The following NRCAM variants were observed in gnomAD, a reference collection of about 807,000 sequenced individuals.
NRCAM encodes neuronal cell adhesion molecule, also known as NgCAM-related cell adhesion molecule.
NRCAM carries 83 observed loss-of-function variants against 156.5 expected under a neutral mutation model. The ratio of observed to expected loss-of-function variants is 0.53; its 90% CI spans 0.44 to 0.64. The LOEUF (loss-of-function observed/expected upper bound fraction) is 0.64, where lower values mean the gene tolerates loss of function less well. Ranked by LOEUF, NRCAM falls within the 30% of genes least tolerant of loss-of-function variation. The probability of loss-of-function intolerance (pLI) is 0.00; values close to 1 mark genes in which losing one functional copy is unlikely to be tolerated. For missense variants in NRCAM, 1,417 were observed against 1,597.3 expected, an observed-to-expected ratio of 0.89 and a Z score of 1.92; for synonymous variants, 538 against 563.9, an observed-to-expected ratio of 0.95 and a Z score of 0.65.
chr7:108,282,763 T>C (rs1189617316), intron 3 of NRCAM, among the ~76,000 whole-genome samples: 15 of 152,210 alleles, frequency 9.9e-5, no homozygotes. Context: ...AATTTATAAC[T>C]ACATACACAT....
At chr7:108,451,700 C>T (rs1380205862) in intron 1 of NRCAM, among the ~76,000 whole-genome samples, 1 of 152,094 alleles carries the variant, frequency 6.6e-6, no homozygotes, top group East Asian at 1.9e-4. Flanking sequence ...TACAGAAAGA[C>T]AAATAAATAC....
In NRCAM at chr7:108,209,518, C is replaced by T. The variant is rs765931674; in HGVS notation, c.978G>A (p.Gln326=). 7.4e-6 allele frequency: 12 copies of T among 1,612,382 alleles called. No homozygotes were observed. The change falls in exon 12 of 33, where the codon CAG becomes CAA. Residue 326 remains glutamine (Q), a synonymous_variant. Coordinates refer to ENST00000379028, the MANE Select transcript of NRCAM (RefSeq NM_001037132.4). ...TVYKNFEKTL[Q]IIHVSEADSG... ...AGTCTGCTTCTGAAACATGAATGAT[C>T]TGCAAGGTTTTCTCAAAGTTCTTAT...
At chr7:108,450,211 G>GC (rs35519946) in intron 1 of NRCAM, among the ~76,000 whole-genome samples, 37,295 of 151,148 alleles carry the variant, frequency 0.25, 4,910 homozygotes, top group Non-Finnish European at 0.29. Context: ...GACAGTATGT[G>GC]AGTACAGGAG....
chr7:108,152,153 G>C (rs564697844), intron 32 of NRCAM, among the ~76,000 whole-genome samples: 53 of 152,234 alleles, frequency 3.5e-4, no homozygotes, highest in South Asian at 8.3e-4. Context: ...GTCAGAAGAG[G>C]ATTAGCACTA....
chr7:108,419,726 T>A (rs1035248822), intron 1 of NRCAM, among the ~76,000 whole-genome samples: 2 of 152,238 alleles, frequency 1.3e-5, no homozygotes, highest in African/African-American at 4.8e-5. Context: ...TAAAAACTTT[T>A]AATGTCAAAA....
At chr7:108,257,885 A>G (rs1374554431) in intron 3 of NRCAM, among the ~76,000 whole-genome samples, 1 of 152,006 alleles carries the variant, frequency 6.6e-6, no homozygotes, top group African/African-American at 2.4e-5. Flanking sequence ...CTCAGATGAG[A>G]GCGTTCACAC....
At chr7:108,300,159 A>C (rs1018558234) in intron 3 of NRCAM, among the ~76,000 whole-genome samples, 1 of 62,820 alleles carries the variant, frequency 1.6e-5, no homozygotes, top group Non-Finnish European at 3.0e-5. Context: ...ATTTCTGTTG[A>C]CTTTTTTTTT....
At chr7:108,346,121 G>A (rs932573820) in intron 2 of NRCAM, among the ~76,000 whole-genome samples, 15 of 152,240 alleles carry the variant, frequency 9.9e-5, no homozygotes, top group Admixed American at 5.9e-4. Flanking sequence ...AAGGCAGGCA[G>A]TGGGGGTGGC....
intron 2 of NRCAM, among the ~76,000 whole-genome samples, chr7:108,374,301 C>T (rs746088272): frequency 7.2e-5 from 11 of 152,060 alleles, no homozygotes; most frequent in Non-Finnish European, 1.0e-4. Flanking sequence ...TGATGAGGAA[C>T]AACTGATAAC....
At chr7:108,384,072 G>C (rs75814591) in intron 2 of NRCAM, among the ~76,000 whole-genome samples, 9,813 of 152,168 alleles carry the variant, frequency 0.064, 371 homozygotes, top group East Asian at 0.12. Context: ...ACAAAGAAGG[G>C]AACAGCAGAC....
At position 108,181,829 on chromosome 7, in the gene NRCAM, C is replaced by A; in HGVS notation, c.2639G>T (p.Gly880Val). The change falls in exon 24 of 33, where the codon GGC (glycine) becomes GTC (valine). Residue 880 changes from glycine (G) to valine (V), a missense_variant. Around this residue, in one of 2 missense-constraint regions of NRCAM, gnomAD observed 1,238 missense variants for 1,336.4 expected, o/e 0.93. Transcript: ENST00000379028. The part of the protein sequence containing the change: ...PLKSIRGHLQ[G>V]YRIYYWKTQS... Reference sequence around the variant, plus strand: ...AGGTCCCCTTTCACTTGCCCGATAGCCTTGTAGGTGTCCTCGGATGCTTTT... The same window carrying A: ...AGGTCCCCTTTCACTTGCCCGATAGACTTGTAGGTGTCCTCGGATGCTTTT... The A allele has an allele frequency of 1.9e-6, 3 of 1,613,214 alleles. No homozygotes were observed. The highest frequency in any genetic ancestry group is 2.5e-6 in the Non-Finnish European group (3 of 1,179,252).
chr7:108,216,970 G>A (rs897727794), intron 11 of NRCAM, among the ~76,000 whole-genome samples: 1 of 152,118 alleles, frequency 6.6e-6, no homozygotes, highest in Non-Finnish European at 1.5e-5. Context: ...GTGAGTAGTT[G>A]TGATCCTTTG....
At chr7:108,254,116 G>T (rs1005058291) in intron 3 of NRCAM, among the ~76,000 whole-genome samples, 1 of 151,908 alleles carries the variant, frequency 6.6e-6, no homozygotes, top group African/African-American at 2.4e-5. Flanking sequence ...GACACCAAAA[G>T]AAAAAAACTG....
intron 3 of NRCAM, among the ~76,000 whole-genome samples, chr7:108,281,844 C>G (rs913715669): frequency 2.0e-5 from 3 of 152,220 alleles, no homozygotes; most frequent in African/African-American, 7.2e-5. Context: ...AATAACCAAA[C>G]TGGGAGTGTT....
chr7:108,189,693 C>G lies in NRCAM; in HGVS notation c.1987G>C (p.Val663Leu). 6.4e-7 allele frequency: 1 copy of G among 1,564,410 alleles called. No homozygotes were observed. The highest frequency in any genetic ancestry group is 1.4e-5 in the African/African-American group (1 of 73,944). ...TCGCCTGGGGTCCATGACAGCTGAA[C>G]ACTTTTGTCAAGTTGATCTGTCAGT... ...LELTDQLDKSVQLSWTPGDDN... is the reference protein window; with the variant it reads ...LELTDQLDKSLQLSWTPGDDN... The change falls in exon 20 of 33, where the codon GTT becomes CTT. Residue 663 changes from valine (V) to leucine (L), a missense_variant. Around this residue, in one of 2 missense-constraint regions of NRCAM, gnomAD observed 1,238 missense variants for 1,336.4 expected, o/e 0.93. Coordinates refer to ENST00000379028, the MANE Select transcript of NRCAM (RefSeq NM_001037132.4).
intron 1 of NRCAM, among the ~76,000 whole-genome samples, chr7:108,422,545 C>G (rs1811398217): frequency 6.6e-6 from 1 of 152,104 alleles, no homozygotes; most frequent in Non-Finnish European, 1.5e-5. Context: ...CATCACCCAA[C>G]TTTGACAAGT....
intron 17 of NRCAM, among the ~76,000 whole-genome samples, chr7:108,192,264 T>C (rs953302693): frequency 1.3e-4 from 20 of 152,060 alleles, no homozygotes; most frequent in African/African-American, 4.8e-4. Flanking sequence ...GTGGCAGCAT[T>C]AGATTCTCAC....
At chr7:108,336,076 C>A (rs2099186300) in intron 2 of NRCAM, among the ~76,000 whole-genome samples, 1 of 152,166 alleles carries the variant, frequency 6.6e-6, no homozygotes, top group Admixed American at 6.6e-5. Flanking sequence ...GTCCATGACC[C>A]CTGCTTCATT....
At chr7:108,380,129 A>T (rs1394709623) in intron 2 of NRCAM, among the ~76,000 whole-genome samples, 2 of 152,206 alleles carry the variant, frequency 1.3e-5, no homozygotes, top group Non-Finnish European at 2.9e-5. Context: ...ATTCAAAACA[A>T]TCCAAAGGGA....
Sources: gnomAD v4.1 joint callset for allele counts (sites outside exome capture counted in the v4.1 genomes callset) on GRCh38, gnomAD v4.1.1 for gene constraint, gnomAD v4.1.1 regional missense constraint, MANE v1.5 for transcripts, NCBI Gene and HGNC (gene_info 2026-07-23, HGNC 2026-07-21) for gene names.